The following TOGARAM1 variants were observed in gnomAD, a reference collection of about 807,000 sequenced individuals.
TOGARAM1 encodes TOG array regulator of axonemal microtubules 1, also known as TOG array regulator of axonemal microtubules protein 1.
Under a neutral mutation model 166.6 loss-of-function variants are expected in TOGARAM1, and 100 were observed. That is an observed-to-expected ratio of 0.60 (90% CI 0.51 to 0.71). The LOEUF is 0.71. Among genes scored for constraint, TOGARAM1 ranks in the 30% least tolerant of loss-of-function variants. TOGARAM1 has a pLI of 0.00. For synonymous variants in TOGARAM1, 758 were observed against 763.8 expected (o/e 0.99, Z 0.13); for missense variants, 2,029 against 2,102.7 (o/e 0.96, Z 0.69).
At chr14:45,020,914 C>T (rs985453316) in intron 7 of TOGARAM1, among the ~76,000 whole-genome samples, 1 of 152,084 alleles carries the variant, frequency 6.6e-6, no homozygotes, top group African/African-American at 2.4e-5. Context: ...AAATATGTGG[C>T]CTGTAGTGCA....
intron 7 of TOGARAM1, among the ~76,000 whole-genome samples, chr14:45,024,634 T>A (rs995814797): frequency 6.6e-6 from 1 of 152,224 alleles, no homozygotes; most frequent in African/African-American, 2.4e-5. Context: ...AATTATTCCA[T>A]TTACTGAGAT....
At chr14:45,055,147 A>T (rs901615438) in intron 16 of TOGARAM1, among the ~76,000 whole-genome samples, 4 of 152,210 alleles carry the variant, frequency 2.6e-5, no homozygotes, top group Admixed American at 6.5e-5. Flanking sequence ...CAATGTCCAG[A>T]AGAGTACTGC....
intron 1 of TOGARAM1, among the ~76,000 whole-genome samples, chr14:44,976,045 T>C (rs991419676): frequency 6.6e-6 from 1 of 152,158 alleles, no homozygotes; most frequent in African/African-American, 2.4e-5. Context: ...AGATCAACTA[T>C]ACTGATTTCA....
intron 7 of TOGARAM1, among the ~76,000 whole-genome samples, chr14:45,013,469 A>C (rs1879933443): frequency 6.6e-6 from 1 of 152,208 alleles, no homozygotes; most frequent in Admixed American, 6.5e-5. Flanking sequence ...GTTAACAAAG[A>C]GATAGCTGCA....
At chr14:44,994,712 C>G (rs115951122) in intron 1 of TOGARAM1, among the ~76,000 whole-genome samples, 1 of 152,136 alleles carries the variant, frequency 6.6e-6, no homozygotes, top group Non-Finnish European at 1.5e-5. Context: ...AGCTACTGCA[C>G]GTGGCCTCAT....
chr14:45,016,060 A>T (rs7161603), intron 7 of TOGARAM1, among the ~76,000 whole-genome samples: 26,697 of 148,418 alleles, frequency 0.18, 4,601 homozygotes, highest in African/African-American at 0.46. Context: ...ATTAAAAAAA[A>T]TTTTTTTTTT....
intron 3 of TOGARAM1, among the ~76,000 whole-genome samples, chr14:45,000,771 G>T (rs1004548462): frequency 1.3e-5 from 2 of 152,072 alleles, no homozygotes; most frequent in South Asian, 2.1e-4. Context: ...TTGAGGCAGG[G>T]TCTCACTCTG....
intron 16 of TOGARAM1, 58 bp downstream of exon 16, chr14:45,054,607 T>G: frequency 8.1e-7 from 1 of 1,238,562 alleles, no homozygotes; most frequent in Non-Finnish European, 1.1e-6. Context: ...AGTAGTCTCA[T>G]TTGGATGTTT....
At position 44,963,347 on chromosome 14, in the gene TOGARAM1, G is replaced by A. The variant is rs1439496197; in HGVS notation, c.926G>A (p.Arg309His). The change falls in exon 1 of 20, where the codon CGC becomes CAC. Residue 309 changes from arginine to histidine, a missense_variant. Arg to His is a conservative substitution (Grantham distance 29). This residue lies in a region of TOGARAM1 where 1,453 missense variants were observed against 1,432.2 expected (regional missense o/e 1.01). Coordinates refer to ENST00000361462, the MANE Select transcript of TOGARAM1 (RefSeq NM_001308120.2). ...TCTGCCCTGAGGAGACACTACAATC[G>A]CCGCCTGGAGTCCCAGTTTGGAAGT... Reference protein sequence around the residue: ...LPSALRRHYNRRLESQFGSQV... With the variant: ...LPSALRRHYNHRLESQFGSQV... 1 of 1,614,110 alleles carries A rather than the reference G, an allele frequency of 6.2e-7. No homozygotes were observed. Among genetic ancestry groups the A allele is most frequent in the Non-Finnish European group, 8.5e-7 (1 of 1,180,024 alleles).
chr14:44,977,469 C>T (rs1440712494), intron 1 of TOGARAM1, among the ~76,000 whole-genome samples: 1 of 151,772 alleles, frequency 6.6e-6, no homozygotes, highest in Admixed American at 6.6e-5. Context: ...ATCTCCTGAC[C>T]TCATGATCTG....
At chr14:45,043,942 C>A in intron 12 of TOGARAM1, 151 bp downstream of exon 12, 1 of 565,814 alleles carries the variant, frequency 1.8e-6, no homozygotes, top group Non-Finnish European at 3.1e-6. Context: ...TCTTAATTTG[C>A]AACATTAAGA....
At chr14:45,050,544 C>T (rs1022017287) in intron 14 of TOGARAM1, among the ~76,000 whole-genome samples, 5 of 152,036 alleles carry the variant, frequency 3.3e-5, no homozygotes, top group Non-Finnish European at 4.4e-5. Context: ...TGAGCCACTG[C>T]GCCTGGTCAA....
chr14:44,998,478 G>C (rs2138818446), intron 2 of TOGARAM1, among the ~76,000 whole-genome samples: 1 of 152,330 alleles, frequency 6.6e-6, no homozygotes, highest in South Asian at 2.1e-4. Context: ...ACTTTGGGAG[G>C]CCAAGGCAGG....
At chr14:44,997,662 G>A (rs748036155) in intron 2 of TOGARAM1, among the ~76,000 whole-genome samples, 1 of 152,080 alleles carries the variant, frequency 6.6e-6, no homozygotes, top group Non-Finnish European at 1.5e-5. Context: ...GGAAGAAACT[G>A]CCTTTGTGGA....
intron 1 of TOGARAM1, among the ~76,000 whole-genome samples, chr14:44,965,400 A>G (rs559835396): frequency 6.6e-6 from 1 of 152,284 alleles, no homozygotes; most frequent in South Asian, 2.1e-4. Flanking sequence ...TGTCCCTTGT[A>G]ATTTTATCTA....
At chr14:45,023,312 A>T (rs1371057411) in intron 7 of TOGARAM1, among the ~76,000 whole-genome samples, 1 of 152,198 alleles carries the variant, frequency 6.6e-6, no homozygotes, top group Non-Finnish European at 1.5e-5. Flanking sequence ...GTTGAGTTGC[A>T]CAAGTGTGCA....
rs768436295 is a variant in TOGARAM1 at position 45,068,523 on chromosome 14, C to T, written c.4849C>T (p.His1617Tyr). 2 of 1,613,228 alleles carry T rather than the reference C, an allele frequency of 1.2e-6. No homozygotes were observed. Among genetic ancestry groups the T allele is most frequent in the Admixed American group, 1.7e-5 (1 of 59,930 alleles). The change falls in exon 18 of 20, where the codon CAC becomes TAC. Residue 1617 changes from histidine (H) to tyrosine (Y), a missense_variant. Transcript: ENST00000361462. ...CAAAATGATTCCTCTACTTAGAGAC[C>T]ACTTATCTCCTATAATCAACATGCT... The part of the protein sequence containing the change: ...MHKMIPLLRD[H>Y]LSPIINMLIP...
intron 7 of TOGARAM1, among the ~76,000 whole-genome samples, chr14:45,019,923 C>A (rs1050541434): frequency 1.3e-5 from 2 of 152,124 alleles, no homozygotes; most frequent in African/African-American, 4.8e-5. Context: ...GTTGAGATTT[C>A]CTCGGGAGGG....
At chr14:45,044,470 G>C (rs527793554) in intron 12 of TOGARAM1, among the ~76,000 whole-genome samples, 165 bp from the exon 13 acceptor site, 38 of 151,890 alleles carry the variant, frequency 2.5e-4, no homozygotes, top group Non-Finnish European at 4.1e-4. Context: ...GGACCTGGGA[G>C]GCAGAGGTTA....
Sources: allele counts gnomAD v4.1 joint callset (sites outside exome capture counted in the v4.1 genomes callset), GRCh38; gene constraint gnomAD v4.1.1; regional missense constraint gnomAD v4.1.1; transcripts MANE v1.5; gene names NCBI Gene and HGNC (gene_info 2026-07-23, HGNC 2026-07-21).